PCCA: variants seen among roughly 807,000 people sequenced by gnomAD.
PCCA encodes propionyl-CoA carboxylase alpha chain, mitochondrial.
A neutral mutation model predicts 101.3 loss-of-function variants in PCCA; 74 were observed. The observed-to-expected ratio is 0.73, with a 90% CI of 0.61 to 0.89. The LOEUF (loss-of-function observed/expected upper bound fraction) is 0.89, where lower values mean the gene tolerates loss of function less well. PCCA is among the 40% of genes least tolerant of loss of function. The pLI is 0.00. For synonymous variants in PCCA, 294 were observed against 313.6 expected (o/e 0.94, Z 0.66); for missense variants, 891 against 907.0 (o/e 0.98, Z 0.23).
At chr13:100,162,464 A>G (rs973494760) in intron 6 of PCCA, among the ~76,000 whole-genome samples, 1 of 152,198 alleles carries the variant, frequency 6.6e-6, no homozygotes, top group Non-Finnish European at 1.5e-5. Flanking sequence ...TCTCAGATGC[A>G]TTGGAACTGG....
At chr13:100,250,411 T>C (rs180720042) in intron 8 of PCCA, among the ~76,000 whole-genome samples, 1 of 152,236 alleles carries the variant, frequency 6.6e-6, no homozygotes, top group African/African-American at 2.4e-5. Flanking sequence ...TTAAATCCCA[T>C]TTGGTCATGG....
chr13:100,221,662 G>A (rs1403146685), intron 7 of PCCA, among the ~76,000 whole-genome samples: 1 of 151,754 alleles, frequency 6.6e-6, no homozygotes, highest in Non-Finnish European at 1.5e-5. Flanking sequence ...AATTTGTGAC[G>A]CCACAGCTGA....
At chr13:100,372,187 A>C (rs1254136723) in intron 19 of PCCA, among the ~76,000 whole-genome samples, 3 of 152,204 alleles carry the variant, frequency 2.0e-5, no homozygotes, top group Non-Finnish European at 4.4e-5. Context: ...TCTACTAAAA[A>C]TACAAACATT....
rs552591930 is a variant in PCCA, at chr13:100,309,558, AT to A, written c.1354-269del. On this transcript the variant is annotated intron_variant, in intron 15 of 23. Transcript: ENST00000376285. Reference sequence around the variant, plus strand: ...CACGTTTAGCTGTATCTCCTTTTAAATTTTTTCTGTACTTACTTTTGTTACG... The same window carrying A: ...CACGTTTAGCTGTATCTCCTTTTAAATTTTTCTGTACTTACTTTTGTTACG... 1.4e-3 allele frequency among the ~76,000 whole-genome samples: 219 copies of A among 152,142 alleles called. 1 individual carries two copies. Among genetic ancestry groups the A allele is most frequent in the African/African-American group, 4.8e-3 (199 of 41,508 alleles).
At chr13:100,146,581 A>C (rs2052597684) in intron 4 of PCCA, among the ~76,000 whole-genome samples, 1 of 152,054 alleles carries the variant, frequency 6.6e-6, no homozygotes. Flanking sequence ...TCTCAAAAAA[A>C]AAAAAAAATG....
chr13:100,257,073 C>T (rs371572776), intron 8 of PCCA, among the ~76,000 whole-genome samples: 5 of 152,160 alleles, frequency 3.3e-5, no homozygotes, highest in Admixed American at 6.5e-5. Flanking sequence ...CCCATAGCAT[C>T]GTAGCCAGGT....
At chr13:100,313,322 T>C (rs764500013) in intron 16 of PCCA, among the ~76,000 whole-genome samples, 2 of 152,212 alleles carry the variant, frequency 1.3e-5, no homozygotes. Flanking sequence ...GACAGCGTTA[T>C]TGCAATAGAG....
At chr13:100,407,267 A>G (rs1393114873) in intron 19 of PCCA, among the ~76,000 whole-genome samples, 1 of 152,214 alleles carries the variant, frequency 6.6e-6, no homozygotes, top group African/African-American at 2.4e-5. Context: ...ATGTTAAATA[A>G]TCCTGTTTAC....
At chr13:100,173,756 C>T (rs11843106) in intron 6 of PCCA, among the ~76,000 whole-genome samples, 2,219 of 152,232 alleles carry the variant, frequency 0.015, 71 homozygotes, top group African/African-American at 0.051. Flanking sequence ...CTAATCCCCA[C>T]GTGTTGTGGG....
At chr13:100,282,513 G>A (rs1021031670) in intron 12 of PCCA, among the ~76,000 whole-genome samples, 6 of 152,222 alleles carry the variant, frequency 3.9e-5, no homozygotes, top group Admixed American at 1.3e-4. Context: ...CCAGGTGGGC[G>A]TGGGCTTGGC....
At chr13:100,188,182 A>G (rs947288514) in intron 6 of PCCA, among the ~76,000 whole-genome samples, 1 of 152,208 alleles carries the variant, frequency 6.6e-6, no homozygotes, top group African/African-American at 2.4e-5. Context: ...AATCCCAGCT[A>G]CTTGGGAGGC....
intron 21 of PCCA, among the ~76,000 whole-genome samples, chr13:100,456,675 A>G (rs927673862): frequency 6.6e-6 from 1 of 152,176 alleles, no homozygotes; most frequent in South Asian, 2.1e-4. Context: ...AAGGCAGCAT[A>G]CGTCAGCGTT....
intron 6 of PCCA, among the ~76,000 whole-genome samples, chr13:100,163,882 T>C (rs2054751788): frequency 6.6e-6 from 1 of 152,154 alleles, no homozygotes; most frequent in Admixed American, 6.5e-5. Context: ...ATTGGATCTA[T>C]CTATTTTTCA....
At chr13:100,131,775 A>G (rs924459111) in intron 4 of PCCA, among the ~76,000 whole-genome samples, 1 of 152,204 alleles carries the variant, frequency 6.6e-6, no homozygotes, top group African/African-American at 2.4e-5. Context: ...TGTTATGTGA[A>G]GATGCTCCAC....
chr13:100,214,462 G>T (rs1466985101), intron 7 of PCCA, among the ~76,000 whole-genome samples: 1 of 150,612 alleles, frequency 6.6e-6, no homozygotes, highest in Non-Finnish European at 1.5e-5. Context: ...ACCTCGCTCT[G>T]TTGCCAGGCT....
chr13:100,276,293 T>C (rs777732526), intron 12 of PCCA, among the ~76,000 whole-genome samples: 1 of 151,378 alleles, frequency 6.6e-6, no homozygotes, highest in Non-Finnish European at 1.5e-5. Context: ...TTGAAAATAT[T>C]ATTTCACTGT....
intron 21 of PCCA, among the ~76,000 whole-genome samples, chr13:100,481,324 A>G (rs8001215): frequency 0.61 from 93,391 of 151,988 alleles, 29,428 homozygotes; most frequent in East Asian, 0.85. Flanking sequence ...TTGGGAGTCC[A>G]AGGCAGGTGG....
chr13:100,527,821 G>A (rs1272228808), intron 23 of PCCA, 69 bp downstream of exon 23: 24 of 1,201,376 alleles, frequency 2.0e-5, no homozygotes, highest in Non-Finnish European at 2.8e-5. Flanking sequence ...TTGAATCGTG[G>A]GTGGTTTGGC....
intron 12 of PCCA, among the ~76,000 whole-genome samples, chr13:100,287,547 G>C (rs541448300): frequency 6.6e-6 from 1 of 152,142 alleles, no homozygotes; most frequent in Admixed American, 6.5e-5. Context: ...CAATCTGAAA[G>C]AGTATATTGT....
Sources: gnomAD v4.1 joint callset for allele counts (sites outside exome capture counted in the v4.1 genomes callset) on GRCh38, gnomAD v4.1.1 for gene constraint, MANE v1.5 for transcripts, NCBI Gene and HGNC (gene_info 2026-07-23, HGNC 2026-07-21) for gene names.